The following C4orf51 variants were observed in gnomAD, a reference collection of about 807,000 sequenced individuals.
C4orf51 encodes uncharacterized protein C4orf51.
In C4orf51, 25 loss-of-function variants were observed where a neutral mutation model predicts 25.2. The ratio of observed to expected loss-of-function variants is 0.99; its 90% CI spans 0.72 to 1.39. The LOEUF (loss-of-function observed/expected upper bound fraction) is 1.39. Ranked by LOEUF, C4orf51 falls within the 40% of genes most tolerant of loss-of-function variation. C4orf51 has a pLI of 0.00. For missense variants in C4orf51, 252 were observed against 239.6 expected, an observed-to-expected ratio of 1.05 and a Z score of -0.34; for synonymous variants, 100 against 84.5, an observed-to-expected ratio of 1.18 and a Z score of -1.01.
downstream of C4orf51, chr4:145,774,525 G>A (rs1313781493): frequency 1.9e-6 from 3 of 1,611,344 alleles, no homozygotes; most frequent in Admixed American, 3.4e-5. Flanking sequence ...TGGTGCCAAT[G>A]TGAGTCTTTA....
rs1732093977 is a variant in C4orf51, at chr4:145,726,925, A to T, written c.322A>T (p.Ile108Leu). 4 of 1,613,338 alleles carry T rather than the reference A, an allele frequency of 2.5e-6. No homozygotes were observed. The highest frequency in any genetic ancestry group is 3.4e-6 in the Non-Finnish European group (4 of 1,179,456). ...TGTGCATGCAGGACTATTCCCTGAT[A>T]TAACCAGGCCCTTTAAAAAGTCATT... ...TTDIKGLFPD[I>L]TRPFKKSFDV... Residue 108 changes from isoleucine to leucine, a missense_variant, in exon 3 of 6, where the codon ATA (isoleucine) becomes TTA (leucine). Transcript: ENST00000438731.
At chr4:145,687,108 C>A (rs545410002) in intron 1 of C4orf51, among the ~76,000 whole-genome samples, 1 of 152,280 alleles carries the variant, frequency 6.6e-6, no homozygotes, top group African/African-American at 2.4e-5. Flanking sequence ...TTAGGGCCAC[C>A]CTGCCTCCCA....
At chr4:145,697,752 T>C (rs1414954453) in intron 2 of C4orf51, among the ~76,000 whole-genome samples, 2 of 152,234 alleles carry the variant, frequency 1.3e-5, no homozygotes, top group Admixed American at 6.5e-5. Context: ...CTTTATCCAT[T>C]CATTATTGAT....
intron 2 of C4orf51, among the ~76,000 whole-genome samples, chr4:145,704,911 A>T (rs571527738): frequency 6.6e-6 from 1 of 152,274 alleles, no homozygotes; most frequent in East Asian, 1.9e-4. Flanking sequence ...GACTTGAGAG[A>T]TTACCTTGGA....
the C4orf51 span, among the ~76,000 whole-genome samples, chr4:145,790,218 C>A: frequency 1.3e-5 from 2 of 152,052 alleles, no homozygotes; most frequent in African/African-American, 4.8e-5. Context: ...TATGAGAACA[C>A]CTTGAGGAAA....
At chr4:145,714,185 A>G (rs910950618) in intron 2 of C4orf51, among the ~76,000 whole-genome samples, 2 of 152,212 alleles carry the variant, frequency 1.3e-5, no homozygotes, top group Non-Finnish European at 2.9e-5. Flanking sequence ...CATGTGACCC[A>G]CTTTACTGTG....
intron 2 of C4orf51, among the ~76,000 whole-genome samples, chr4:145,724,167 TGAAAG>T (rs1199218470): frequency 2.0e-5 from 3 of 152,202 alleles, no homozygotes; most frequent in South Asian, 2.1e-4. Flanking sequence ...GTATAATTCT[TGAAAG>T]GAAGGGTAGC....
intron 1 of C4orf51, among the ~76,000 whole-genome samples, chr4:145,692,528 C>T (rs1729652494): frequency 6.6e-6 from 1 of 152,192 alleles, no homozygotes; most frequent in Non-Finnish European, 1.5e-5. Flanking sequence ...CTTTTAAATT[C>T]ATACGCCCAG....
At position 145,751,305 on chromosome 4, in the gene C4orf51, T is replaced by C. The variant is rs941086383; in HGVS notation, n.168-2902T>C. On this transcript the variant is annotated intron_variant and non_coding_transcript_variant, in intron 1 of 1. Transcript: ENST00000508981. ...CTTCTTTGAAAGGCTTTCCAATTCT[T>C]TGAAGGGACTTGAGTGTTGTGATCT... Among the ~76,000 whole-genome samples, 3 of 152,184 alleles carry C rather than the reference T, an allele frequency of 2.0e-5. No homozygotes were observed. In the South Asian group the frequency reaches 6.2e-4, roughly 32 times the overall value.
chr4:145,726,470 T>C (rs1732063756), intron 2 of C4orf51, among the ~76,000 whole-genome samples: 1 of 152,206 alleles, frequency 6.6e-6, no homozygotes, highest in Non-Finnish European at 1.5e-5. Flanking sequence ...TGTGCAATCA[T>C]GGCTCACTGC....
At chr4:145,734,781 A>T (rs1732711730), downstream of C4orf51, among the ~76,000 whole-genome samples, 2 of 152,336 alleles carry the variant, frequency 1.3e-5, no homozygotes, top group South Asian at 4.1e-4. Context: ...GGTGGGTGCC[A>T]CGGAGCACAG....
At chr4:145,693,592 C>T in intron 1 of C4orf51, among the ~76,000 whole-genome samples, 1 of 149,296 alleles carries the variant, frequency 6.7e-6, no homozygotes, top group Non-Finnish European at 1.5e-5. Flanking sequence ...GGGCTCCTCA[C>T]TTCCCAGTAG....
At chr4:145,690,668 G>A (rs1426859399) in intron 1 of C4orf51, among the ~76,000 whole-genome samples, 8 of 152,058 alleles carry the variant, frequency 5.3e-5, no homozygotes, top group East Asian at 1.9e-4. Context: ...CTGCATAGCC[G>A]AAGAAACTAT....
downstream of C4orf51, among the ~76,000 whole-genome samples, chr4:145,771,908 T>C (rs148947994): frequency 6.6e-6 from 1 of 152,302 alleles, no homozygotes; most frequent in East Asian, 1.9e-4. Context: ...CTCATAAAAT[T>C]AGAGAATCTT....
chr4:145,758,889 G>A (rs1734166761), downstream of C4orf51: 1 of 152,384 alleles, frequency 6.6e-6, no homozygotes, highest in South Asian at 2.1e-4. Context: ...GGGAAGAGGG[G>A]CTGGCGTGGA....
chr4:145,753,773 A>G (rs940558925), intron 1 of C4orf51, among the ~76,000 whole-genome samples: 3 of 152,132 alleles, frequency 2.0e-5, no homozygotes, highest in African/African-American at 7.2e-5. Context: ...TGGCTCTCAT[A>G]TGGCTTTCCT....
chr4:145,735,242 G>T (rs1442078164), downstream of C4orf51, among the ~76,000 whole-genome samples: 2 of 152,182 alleles, frequency 1.3e-5, no homozygotes, highest in Non-Finnish European at 2.9e-5. Flanking sequence ...CACAGGAAAA[G>T]ATTGTCAGAT....
At chr4:145,726,780 AT>A in intron 2 of C4orf51, 130 bp from the exon 3 acceptor site, 2 of 703,302 alleles carry the variant, frequency 2.8e-6, no homozygotes, top group Non-Finnish European at 5.1e-6. Context: ...TGTAACTATA[AT>A]TTTTGGTTAG....
intron 2 of C4orf51, among the ~76,000 whole-genome samples, chr4:145,705,880 T>C (rs1037035246): frequency 3.3e-5 from 5 of 152,168 alleles, no homozygotes; most frequent in Admixed American, 1.3e-4. Flanking sequence ...GAGACTGCCA[T>C]TATGCTCAGG....
Sources: gnomAD v4.1 joint callset for allele counts (sites outside exome capture counted in the v4.1 genomes callset) on GRCh38, gnomAD v4.1.1 for gene constraint, MANE v1.5 for transcripts, NCBI Gene and HGNC (gene_info 2026-07-23, HGNC 2026-07-21) for gene names.